Variants in NIN observed in about 807,000 individuals in gnomAD.
The protein encoded by NIN is ninein.
In NIN, 137 loss-of-function variants were observed where a neutral mutation model predicts 257.6. That is an observed-to-expected ratio of 0.53 (90% confidence interval 0.46 to 0.61). The LOEUF (loss-of-function observed/expected upper bound fraction) is 0.61, where lower values mean the gene tolerates loss of function less well. Ranked by LOEUF, NIN falls within the 20% of genes least tolerant of loss-of-function variation. The pLI is 0.00. For missense variants in NIN, 2,439 were observed against 2,501.2 expected (o/e 0.98, Z 0.53); for synonymous variants, 918 against 919.8 (o/e 1.00, Z 0.04).
chr14:50,725,929 A>G (rs1271512387), intron 30 of NIN, 24 bp downstream of exon 30: 1 of 1,613,934 alleles, frequency 6.2e-7, no homozygotes, highest in Non-Finnish European at 8.5e-7. Context: ...AGGTGGGTGA[A>G]CAGAGATGAC....
At chr14:50,799,645 C>T (rs140856860) in intron 4 of NIN, among the ~76,000 whole-genome samples, 74 of 152,236 alleles carry the variant, frequency 4.9e-4, no homozygotes, top group African/African-American at 1.7e-3. Context: ...TGTAGAAAAC[C>T]GTCATCCTCA....
At chr14:50,768,590 G>C (rs1283098706) in intron 12 of NIN, among the ~76,000 whole-genome samples, 4 of 152,104 alleles carry the variant, frequency 2.6e-5, no homozygotes, top group Non-Finnish European at 4.4e-5. Context: ...GGCACGGGGA[G>C]AGCTGGGGTA....
intron 21 of NIN, among the ~76,000 whole-genome samples, chr14:50,751,838 T>C (rs774494865): frequency 3.9e-5 from 6 of 152,186 alleles, no homozygotes; most frequent in Non-Finnish European, 7.3e-5. Flanking sequence ...ATTTTTATCT[T>C]TTGTATATGA....
rs573430868 is a variant in NIN at position 50,796,317 on chromosome 14, T to C, written c.266-3436A>G. 3.2e-4 allele frequency among the ~76,000 whole-genome samples: 49 copies of C among 152,204 alleles called. No individual in the cohort carries two copies. In the South Asian group the frequency reaches 5.2e-3, roughly 16 times the overall value. On this transcript the variant is annotated intron_variant, in intron 4 of 30. Transcript: ENST00000530997. ...ACCTGACCTAGTTTAATGATCTAGG[T>C]TTTATTCCATAAGCCAAATGCTTGG...
At chr14:50,746,686 T>A (rs2041558101) in intron 22 of NIN, among the ~76,000 whole-genome samples, 1 of 152,320 alleles carries the variant, frequency 6.6e-6, no homozygotes, top group African/African-American at 2.4e-5. Flanking sequence ...ACAACTAAAT[T>A]TTCCTACCAT....
chr14:50,823,369 G>A, intron 2 of NIN: 2 of 514,120 alleles, frequency 3.9e-6, no homozygotes, highest in Non-Finnish European at 7.9e-6. Flanking sequence ...CACTAACCAA[G>A]CATCTTTAAT....
chr14:50,723,745 A>C, intron 30 of NIN, 73 bp from the exon 31 acceptor site: 2 of 1,292,960 alleles, frequency 1.5e-6, no homozygotes, highest in Non-Finnish European at 2.2e-6. Context: ...AAGGTCTGAC[A>C]TAAGGACAGT....
At chr14:50,824,312 G>T (rs1311706765) in intron 2 of NIN, among the ~76,000 whole-genome samples, 1 of 151,982 alleles carries the variant, frequency 6.6e-6, no homozygotes, top group Admixed American at 6.6e-5. Context: ...CCACTCTTTG[G>T]GAGGTCATTG....
chr14:50,766,306 C>A lies in NIN; in HGVS notation c.1635+1G>T. On this transcript the variant is annotated splice_donor_variant, in intron 14 of 30. Coordinates refer to ENST00000530997, the MANE Select transcript of NIN (RefSeq NM_020921.4). LOFTEE classifies it high-confidence loss of function. ...TTACTCAGTTCTCTTTGTCTACCTACCCTGCACTGCCGCTCATATTCATTT... is the reference window on the plus strand; with the variant it reads ...TTACTCAGTTCTCTTTGTCTACCTAACCTGCACTGCCGCTCATATTCATTT... 6.2e-7 allele frequency: 1 copy of A among 1,612,666 alleles called. No individual in the cohort carries two copies. Among genetic ancestry groups the A allele is most frequent in the Non-Finnish European group, 8.5e-7 (1 of 1,178,692 alleles).
chr14:50,729,009 C>T (rs570948104), intron 29 of NIN, among the ~76,000 whole-genome samples: 149 of 152,320 alleles, frequency 9.8e-4, no homozygotes, highest in Middle Eastern at 3.4e-3. Flanking sequence ...TTGTTAGTAG[C>T]GCATATCCTA....
At chr14:50,795,474 C>G (rs895808921) in intron 4 of NIN, among the ~76,000 whole-genome samples, 1 of 152,186 alleles carries the variant, frequency 6.6e-6, no homozygotes, top group Non-Finnish European at 1.5e-5. Context: ...TAGAACTGAA[C>G]AGCAGATGTC....
At chr14:50,803,541 G>A (rs891949499) in intron 4 of NIN, among the ~76,000 whole-genome samples, 2 of 152,118 alleles carry the variant, frequency 1.3e-5, no homozygotes, top group Admixed American at 6.5e-5. Flanking sequence ...TGCACTGACC[G>A]AAGACTGGCT....
chr14:50,744,649 T>C (rs115734383), intron 22 of NIN, among the ~76,000 whole-genome samples: 1,834 of 152,266 alleles, frequency 0.012, 18 homozygotes, highest in South Asian at 0.029. Flanking sequence ...GTCAAGACTA[T>C]AGAATTGGGC....
intron 12 of NIN, among the ~76,000 whole-genome samples, chr14:50,768,036 T>G (rs2042576647): frequency 6.9e-6 from 1 of 145,196 alleles, no homozygotes; most frequent in South Asian, 2.2e-4. Flanking sequence ...AAGAAAGATT[T>G]CCAACCACAT....
At chr14:50,790,221 A>G (rs560174251) in intron 5 of NIN, among the ~76,000 whole-genome samples, 7 of 152,034 alleles carry the variant, frequency 4.6e-5, no homozygotes, top group Non-Finnish European at 7.4e-5. Flanking sequence ...ATGCTCAGTT[A>G]ATTTTTTTGA....
chr14:50,752,773 T>C, intron 20 of NIN, 40 bp from the exon 21 acceptor site: 1 of 1,046,190 alleles, frequency 9.6e-7, no homozygotes. Flanking sequence ...CTTGTTACCC[T>C]ACTTGTGCTA....
chr14:50,732,462 G>T (rs2040762270), intron 28 of NIN, among the ~76,000 whole-genome samples: 1 of 152,152 alleles, frequency 6.6e-6, no homozygotes, highest in South Asian at 2.1e-4. Context: ...GCTGGAGAGG[G>T]GGAATGGTTA....
In NIN at chr14:50,720,106, C is replaced by T. The variant is rs960294921; in HGVS notation, c.*3357G>A. On this transcript the variant is annotated 3_prime_UTR_variant, in exon 31 of 31. Transcript: ENST00000530997. ...TTGTTAAACAGCTATTCATATGCCA[C>T]AAAACCAAAACTATTTTACAGTGCT... 2.3e-5 allele frequency: 5 copies of T among 221,414 alleles called. No homozygotes were observed. The highest frequency in any genetic ancestry group is 1.1e-4 in the African/African-American group (5 of 44,670). The allele number at this position is 221,414 out of a possible 1,614,324, so 13.7% of individuals were successfully genotyped here. A position where few individuals can be genotyped will look rare whatever the true frequency, so the allele number is the denominator to read the frequency against.
In NIN at chr14:50,784,842, G is replaced by C. The variant is rs189931991; in HGVS notation, c.436-6038C>G. Among the ~76,000 whole-genome samples the C allele has an allele frequency of 1.2e-4, 19 of 152,336 alleles. No individual in the cohort carries two copies. In the East Asian group the frequency reaches 3.5e-3, roughly 28 times the overall value. On this transcript the variant is annotated intron_variant, in intron 5 of 30. Coordinates refer to ENST00000530997, the MANE Select transcript of NIN (RefSeq NM_020921.4). Reference sequence around the variant, plus strand: ...TCAACTTAGGATCAGGGCTTCCCCTGGGGCCCCTCCCTGCAGACAGTGTCC... The same window carrying C: ...TCAACTTAGGATCAGGGCTTCCCCTCGGGCCCCTCCCTGCAGACAGTGTCC...
Sources: allele counts gnomAD v4.1 joint callset (sites outside exome capture counted in the v4.1 genomes callset), GRCh38; gene constraint gnomAD v4.1.1; transcripts MANE v1.5; gene names NCBI Gene and HGNC (gene_info 2026-07-23, HGNC 2026-07-21).